The following TG variants were observed in gnomAD, a reference collection of about 807,000 sequenced individuals.
The protein encoded by TG is thyroid hormones.
In TG, 270 loss-of-function variants were observed where a neutral mutation model predicts 324.7. That is an observed-to-expected ratio of 0.83 (90% CI 0.75 to 0.92). The LOEUF (loss-of-function observed/expected upper bound fraction) is 0.92, where lower values mean the gene tolerates loss of function less well. Among genes scored for constraint, TG ranks in the 40% least tolerant of loss-of-function variants. TG has a pLI of 0.00. For missense variants in TG, 3,591 were observed against 3,456.4 expected, an observed-to-expected ratio of 1.04 and a Z score of -0.98; for synonymous variants, 1,401 against 1,327.0, an observed-to-expected ratio of 1.06 and a Z score of -1.21.
At position 132,941,451 on chromosome 8, in the gene TG, A is replaced by G; in HGVS notation, c.5142A>G (p.Gly1714=). The change falls in exon 26 of 48, where the codon GGA becomes GGG. Residue 1714 remains glycine (G), a synonymous_variant. Coordinates refer to ENST00000220616, the MANE Select transcript of TG (RefSeq NM_003235.5). The stretch of plus-strand genomic sequence containing the variant: ...ACCCCATTGTGTTCTCAGCCTCAGG[A>G]GCCAATCTAACCGATGCTCACCTCT... The part of the protein sequence containing the change: ...LYNPIVFSAS[G]ANLTDAHLFC... 3 of 1,614,188 alleles carry G rather than the reference A, an allele frequency of 1.9e-6. No homozygotes were observed. Among genetic ancestry groups the G allele is most frequent in the Non-Finnish European group, 2.5e-6 (3 of 1,180,036 alleles).
rs1376752137 is a variant in TG, at chr8:132,963,017, G to C, written c.5491G>C (p.Glu1831Gln). The stretch of plus-strand genomic sequence containing the variant: ...AGATTCTGACATGGGGTCTCGGCCT[G>C]AGTCTATGGGATGTAGAAAAGACAC... The part of the protein sequence containing the change: ...WKDSDMGSRP[E>Q]SMGCRKDTVP... The change falls in exon 29 of 48, where the codon GAG becomes CAG. Residue 1831 changes from glutamate (E) to glutamine (Q), a missense_variant. Transcript: ENST00000220616. 6.8e-6 allele frequency: 11 copies of C among 1,613,960 alleles called. No homozygotes were observed. Among genetic ancestry groups the C allele is most frequent in the Non-Finnish European group, 4.2e-6 (5 of 1,179,900 alleles).
Position 132,963,131 on chromosome 8 carries a change from G to T in TG, c.5548+57G>T, listed in dbSNP as rs192181728. The T allele has an allele frequency of 2.2e-5, 33 of 1,493,906 alleles. No homozygotes were observed. In the African/African-American group the frequency reaches 3.4e-4, roughly 16 times the overall value. The allele number at this position is 1,493,906 out of a possible 1,614,324, so 92.5% of individuals were successfully genotyped here. On this transcript the variant is annotated intron_variant, in intron 29 of 47. Coordinates refer to ENST00000220616, the MANE Select transcript of TG (RefSeq NM_003235.5). ...GGTGTCTGAATGCAGAGACTAAATG[G>T]GTGCACCAAGAGTTTAATCAATGAA...
At chr8:133,059,107 C>G (rs575571243) in intron 41 of TG, 1 of 456,320 alleles carries the variant, frequency 2.2e-6, no homozygotes, top group Non-Finnish European at 4.4e-6. Flanking sequence ...CCCTGTCAGG[C>G]TCGGCAGACA....
chr8:133,043,400 A>G (rs1044491146), intron 41 of TG, among the ~76,000 whole-genome samples: 2 of 152,146 alleles, frequency 1.3e-5, no homozygotes, highest in Admixed American at 1.3e-4. Flanking sequence ...CTCATAACCA[A>G]TATAAGTTGG....
intron 41 of TG, among the ~76,000 whole-genome samples, chr8:133,032,533 A>G (rs1448833621): frequency 1.3e-5 from 2 of 152,192 alleles, no homozygotes; most frequent in Admixed American, 1.3e-4. Context: ...TTAAAAATAA[A>G]CCCTTCCATC....
chr8:132,870,179 G>T (rs1374254299), intron 3 of TG, among the ~76,000 whole-genome samples: 1 of 151,670 alleles, frequency 6.6e-6, no homozygotes, highest in East Asian at 1.9e-4. Context: ...TTAAGACTTG[G>T]GTCAAAGCTA....
chr8:132,967,137 C>G (rs1828698478), intron 30 of TG, among the ~76,000 whole-genome samples: 1 of 150,234 alleles, frequency 6.7e-6, no homozygotes. Flanking sequence ...ATCCATCCAT[C>G]CATCCATCCA....
intron 15 of TG, among the ~76,000 whole-genome samples, 177 bp downstream of exon 15, chr8:132,900,516 A>G (rs1395937840): frequency 2.0e-5 from 3 of 152,212 alleles, no homozygotes; most frequent in Non-Finnish European, 2.9e-5. Context: ...ATATTCCCCC[A>G]TCTCTGCAGT....
At chr8:132,969,110 A>T (rs1428935349) in intron 31 of TG, among the ~76,000 whole-genome samples, 1 of 152,082 alleles carries the variant, frequency 6.6e-6, no homozygotes, top group Non-Finnish European at 1.5e-5. Flanking sequence ...CAGGGCTGCC[A>T]TACTTAAACC....
chr8:132,919,257 T>A, intron 20 of TG, 119 bp from the exon 21 acceptor site: 1 of 1,098,238 alleles, frequency 9.1e-7, no homozygotes, highest in South Asian at 1.4e-5. Context: ...CAGTGGACAT[T>A]TGTTAAATGA....
At chr8:132,983,529 T>C in intron 35 of TG, 117 bp downstream of exon 35, 1 of 1,042,806 alleles carries the variant, frequency 9.6e-7, no homozygotes. Flanking sequence ...TCGCATTAAT[T>C]CCAGCTCCTA....
intron 5 of TG, among the ~76,000 whole-genome samples, chr8:132,876,979 G>T (rs1813899137): frequency 6.6e-6 from 1 of 152,128 alleles, no homozygotes; most frequent in African/African-American, 2.4e-5. Flanking sequence ...GATCAGATGT[G>T]TCTTAATATA....
intron 43 of TG, among the ~76,000 whole-genome samples, chr8:133,110,550 C>T (rs556924067): frequency 3.9e-5 from 6 of 152,202 alleles, no homozygotes; most frequent in Non-Finnish European, 7.4e-5. Flanking sequence ...TCTAATAAAG[C>T]GGTTTGGGGC....
Position 132,948,904 on chromosome 8 carries a change from C to A in TG, c.5362C>A (p.Gln1788Lys), listed in dbSNP as rs762985917. Residue 1788 changes from glutamine (Q) to lysine (K), a missense_variant, in exon 27 of 48, where the codon CAG becomes AAG. Gln to Lys is a moderately conservative substitution (Grantham distance 53). Coordinates refer to ENST00000220616, the MANE Select transcript of TG (RefSeq NM_003235.5). Reference protein sequence around the residue: ...PGVTYDQESHQVILRLGDQEF... With the variant: ...PGVTYDQESHKVILRLGDQEF... ...TGTGACATATGACCAGGAGAGCCAC[C>A]AGGTGATATTGCGTCTTGGAGACCA... 1 of 1,613,956 alleles carries A rather than the reference C, an allele frequency of 6.2e-7. No individual in the cohort carries two copies. Among genetic ancestry groups the A allele is most frequent in the East Asian group, 2.2e-5 (1 of 44,868 alleles).
chr8:132,900,204 A>G, intron 14 of TG, 33 bp from the exon 15 acceptor site: 1 of 1,601,722 alleles, frequency 6.2e-7, no homozygotes, highest in African/African-American at 1.3e-5. Flanking sequence ...CATCTTGCCC[A>G]CAGTGACTGA....
In TG at chr8:132,944,468, G is replaced by A. The variant is rs146832364; in HGVS notation, c.5233+2926G>A. ...ACATATCCATCTCCCTGGTGGATTC[G>A]AACTCCCCAGGCTATGAAAGAGTTA... On this transcript the variant is annotated intron_variant, in intron 26 of 47. Transcript: ENST00000220616. Among the ~76,000 whole-genome samples the A allele has an allele frequency of 8.4e-4, 128 of 152,184 alleles. No homozygotes were observed. In the East Asian group the frequency reaches 0.022, roughly 27 times the overall value.
rs1034726372 is a variant in TG at position 132,893,800 on chromosome 8, C to T, written c.2872C>T (p.Leu958=). ...TCGGTTCCCTCTGGGGGAGAGTTTCCTGGTGGCCAAGGGAATCCGGCTGAG... is the reference window on the plus strand; with the variant it reads ...TCGGTTCCCTCTGGGGGAGAGTTTCTTGGTGGCCAAGGGAATCCGGCTGAG... ...SSRFPLGESF[L]VAKGIRLRNE... The change falls in exon 11 of 48, where the codon CTG becomes TTG. Residue 958 remains leucine, a synonymous_variant. Coordinates refer to ENST00000220616, the MANE Select transcript of TG (RefSeq NM_003235.5). 6 of 1,613,888 alleles carry T rather than the reference C, an allele frequency of 3.7e-6. No individual in the cohort carries two copies. The highest frequency in any genetic ancestry group is 1.7e-6 in the Non-Finnish European group (2 of 1,179,954).
chr8:132,871,471 T>C lies in TG; in HGVS notation c.398T>C (p.Val133Ala), dbSNP rs758415458. 5.0e-6 allele frequency: 8 copies of C among 1,614,204 alleles called. No individual in the cohort carries two copies. Among genetic ancestry groups the C allele is most frequent in the Admixed American group, 1.7e-5 (1 of 60,028 alleles). ...SGDYAPVQCDVQQVQCWCVDA... is the reference protein window; with the variant it reads ...SGDYAPVQCDAQQVQCWCVDA... ...GACTACGCGCCTGTTCAGTGTGATG[T>C]GCAGCAGGTCCAGTGCTGGTGTGTG... The change falls in exon 4 of 48, where the codon GTG (valine) becomes GCG (alanine). Residue 133 changes from valine to alanine, a missense_variant. Coordinates refer to ENST00000220616, the MANE Select transcript of TG (RefSeq NM_003235.5).
intron 41 of TG, among the ~76,000 whole-genome samples, chr8:133,088,614 T>A (rs1157078420): frequency 6.6e-6 from 1 of 152,224 alleles, no homozygotes; most frequent in African/African-American, 2.4e-5. Flanking sequence ...AAATGTTTAA[T>A]TCTTTTCTGC....
Sources: gnomAD v4.1 joint callset for allele counts (sites outside exome capture counted in the v4.1 genomes callset) on GRCh38, gnomAD v4.1.1 for gene constraint, MANE v1.5 for transcripts, NCBI Gene and HGNC (gene_info 2026-07-23, HGNC 2026-07-21) for gene names.